The following ROBO1 variants were observed in gnomAD, a reference collection of about 807,000 sequenced individuals.
ROBO1 encodes the protein roundabout guidance receptor 1, also known as roundabout homolog 1.
In ROBO1, 149 loss-of-function variants were observed where a neutral mutation model predicts 195.9. That is an observed-to-expected ratio of 0.76 (90% CI 0.67 to 0.87). The LOEUF (loss-of-function observed/expected upper bound fraction) is 0.87. Ranked by LOEUF, ROBO1 falls within the 40% of genes least tolerant of loss-of-function variation. ROBO1 has a pLI of 0.00. For missense variants in ROBO1, 1,933 were observed against 2,068.3 expected (o/e 0.93, Z 1.27); for synonymous variants, 816 against 733.2 (o/e 1.11, Z -1.82).
intron 2 of ROBO1, among the ~76,000 whole-genome samples, chr3:79,180,803 C>T (rs57235253): frequency 0.045 from 6,820 of 152,144 alleles, 231 homozygotes; most frequent in African/African-American, 0.089. Flanking sequence ...TCAACAACAG[C>T]TTCTCCAGGG....
chr3:79,715,569 TA>T (rs1702450433), intron 1 of ROBO1, among the ~76,000 whole-genome samples: 2 of 152,168 alleles, frequency 1.3e-5, no homozygotes, highest in African/African-American at 4.8e-5. Context: ...ACATAACTTC[TA>T]CATGTGCTGG....
chr3:78,790,258 A>T (rs1192903768), intron 4 of ROBO1, among the ~76,000 whole-genome samples: 2 of 152,024 alleles, frequency 1.3e-5, no homozygotes, highest in Non-Finnish European at 2.9e-5. Context: ...TATCTCCTAG[A>T]CTTACAGCTT....
intron 3 of ROBO1, among the ~76,000 whole-genome samples, chr3:78,996,986 T>C (rs2077383152): frequency 6.6e-6 from 1 of 152,170 alleles, no homozygotes; most frequent in African/African-American, 2.4e-5. Flanking sequence ...TCAACTTTTG[T>C]TCCCCAGAAC....
At chr3:78,744,144 G>A (rs1212712439) in intron 5 of ROBO1, among the ~76,000 whole-genome samples, 1 of 152,064 alleles carries the variant, frequency 6.6e-6, no homozygotes, top group African/African-American at 2.4e-5. Context: ...TATAATCTAT[G>A]GCATCTCAGT....
At chr3:78,696,427 A>G (rs536381757) in intron 8 of ROBO1, among the ~76,000 whole-genome samples, 4 of 152,104 alleles carry the variant, frequency 2.6e-5, no homozygotes, top group Non-Finnish European at 5.9e-5. Context: ...ATTGTTAAAG[A>G]ACTTTATCAA....
intron 2 of ROBO1, among the ~76,000 whole-genome samples, chr3:79,566,073 T>C (rs1943080421): frequency 6.6e-6 from 1 of 152,102 alleles, no homozygotes; most frequent in African/African-American, 2.4e-5. Flanking sequence ...GTCTTCCTTT[T>C]AGTATTAAAA....
chr3:79,492,406 TAA>T (rs1218735935), intron 2 of ROBO1, among the ~76,000 whole-genome samples: 1 of 104,880 alleles, frequency 9.5e-6, no homozygotes, highest in African/African-American at 3.9e-5. Flanking sequence ...GCCTGGGCAA[TAA>T]GAGTGAGACT....
At chr3:78,753,420 C>T (rs763137628) in intron 4 of ROBO1, among the ~76,000 whole-genome samples, 10 of 152,254 alleles carry the variant, frequency 6.6e-5, no homozygotes, top group African/African-American at 2.4e-4. Flanking sequence ...TCCAACAGCA[C>T]TAAGTCTTCA....
At chr3:79,052,078 C>T (rs2078710615) in intron 3 of ROBO1, among the ~76,000 whole-genome samples, 1 of 152,082 alleles carries the variant, frequency 6.6e-6, no homozygotes, top group Admixed American at 6.6e-5. Context: ...TAAGGTCTGA[C>T]TGCTTGTGGG....
intron 1 of ROBO1, among the ~76,000 whole-genome samples, chr3:79,653,589 GC>G (rs1402908354): frequency 1.3e-5 from 2 of 151,898 alleles, no homozygotes; most frequent in Non-Finnish European, 2.9e-5. Context: ...GAGAATATTT[GC>G]ATTCCCATTA....
At chr3:78,711,590 A>T (rs1396992848) in intron 8 of ROBO1, among the ~76,000 whole-genome samples, 4 of 150,406 alleles carry the variant, frequency 2.7e-5, no homozygotes. Context: ...GGTTCAAGCG[A>T]TTCTCCTGCC....
At chr3:78,867,714 T>C (rs1197637937) in intron 4 of ROBO1, among the ~76,000 whole-genome samples, 1 of 152,134 alleles carries the variant, frequency 6.6e-6, no homozygotes, top group Non-Finnish European at 1.5e-5. Flanking sequence ...TGAAACCAAA[T>C]AACCCAGTGA....
At chr3:78,832,974 C>A (rs1023805671) in intron 4 of ROBO1, among the ~76,000 whole-genome samples, 1 of 152,110 alleles carries the variant, frequency 6.6e-6, no homozygotes, top group Admixed American at 6.6e-5. Flanking sequence ...GGCCATTGAT[C>A]TGGCAGGAGC....
intron 2 of ROBO1, among the ~76,000 whole-genome samples, chr3:79,472,340 C>T (rs574772564): frequency 3.3e-5 from 5 of 152,194 alleles, no homozygotes; most frequent in African/African-American, 1.2e-4. Flanking sequence ...ACCCAGAAGT[C>T]AGATGTCCCT....
intron 2 of ROBO1, among the ~76,000 whole-genome samples, chr3:79,200,382 C>T (rs2081739872): frequency 6.6e-6 from 1 of 151,330 alleles, no homozygotes; most frequent in African/African-American, 2.4e-5. Context: ...TGATAGAAAA[C>T]AGTAACATTT....
intron 10 of ROBO1, among the ~76,000 whole-genome samples, chr3:78,675,349 CG>C (rs1366225108): frequency 6.6e-6 from 1 of 152,044 alleles, no homozygotes; most frequent in African/African-American, 2.4e-5. Context: ...GTTCGCGAGC[CG>C]AAGCAGGGCG....
intron 4 of ROBO1, among the ~76,000 whole-genome samples, chr3:78,750,906 C>A (rs1352008155): frequency 2.6e-5 from 4 of 152,112 alleles, no homozygotes; most frequent in Admixed American, 2.6e-4. Context: ...AGAAGAAAAC[C>A]CAGGTATTCT....
chr3:79,686,718 G>A (rs1947125602), intron 1 of ROBO1, among the ~76,000 whole-genome samples: 1 of 152,030 alleles, frequency 6.6e-6, no homozygotes, highest in African/African-American at 2.4e-5. Context: ...AAATAAAAGA[G>A]GATACAAACA....
intron 28 of ROBO1, among the ~76,000 whole-genome samples, chr3:78,614,164 T>G (rs1703972667): frequency 6.6e-6 from 1 of 152,200 alleles, no homozygotes; most frequent in Non-Finnish European, 1.5e-5. Context: ...TGTGAAGGCA[T>G]GAAGAAAGGT....
Sources: gnomAD v4.1 joint callset for allele counts (sites outside exome capture counted in the v4.1 genomes callset) on GRCh38, gnomAD v4.1.1 for gene constraint, MANE v1.5 for transcripts, NCBI Gene and HGNC (gene_info 2026-07-23, HGNC 2026-07-21) for gene names.